Variants in DGKK observed in about 807,000 individuals in gnomAD.
DGKK encodes the protein diacylglycerol kinase kappa.
DGKK carries 35 observed loss-of-function variants against 92.2 expected under a neutral mutation model. The ratio of observed to expected loss-of-function variants is 0.38; its 90% confidence interval spans 0.29 to 0.50. DGKK has a LOEUF of 0.50. Ranked by LOEUF, DGKK falls within the 20% of genes least tolerant of loss-of-function variation. DGKK has a pLI of 0.92. For synonymous variants in DGKK, 368 were observed against 360.6 expected, an observed-to-expected ratio of 1.02 and a Z score of -0.23; for missense variants, 910 against 992.2, an observed-to-expected ratio of 0.92 and a Z score of 1.11.
chrX:50,390,532 G>A, intron 11 of DGKK, 123 bp from the exon 12 acceptor site: 4 of 560,540 alleles, frequency 7.1e-6, no homozygotes, highest in Non-Finnish European at 5.9e-6. Flanking sequence ...GTTGTAGGGG[G>A]TGTCCAAGCA....
At chrX:50,389,939 G>C (rs1924642894) in intron 12 of DGKK, among the ~76,000 whole-genome samples, 1 of 111,417 alleles carries the variant, frequency 9.0e-6, no homozygotes, top group Non-Finnish European at 1.9e-5. Flanking sequence ...GACTGAGATA[G>C]ATCTTCCTGC....
At chrX:50,377,046 G>C in intron 22 of DGKK, 128 bp from the exon 23 acceptor site, 152 of 548,981 alleles carry the variant, frequency 2.8e-4, no homozygotes, top group Non-Finnish European at 4.0e-4. Context: ...GGGAAGGAGG[G>C]CCCCCTGTCC....
At position 50,456,269 on chromosome X, in the gene DGKK, G is replaced by A. The variant is rs536175459; in HGVS notation, c.645+13765C>T. ...AGGCTTTTCCTGTAATTAGTAGAAC[G>A]CTATTTTAGATAAAACTTGGACTGC... On this transcript the variant is annotated intron_variant, in intron 1 of 27. Coordinates refer to ENST00000611977, the MANE Select transcript of DGKK (RefSeq NM_001013742.4). 5.3e-4 allele frequency among the ~76,000 whole-genome samples: 59 copies of A among 111,498 alleles called. No homozygotes were observed. In the South Asian group the frequency reaches 0.021, roughly 39 times the overall value.
chrX:50,385,044 G>A (rs1924511902), intron 15 of DGKK, among the ~76,000 whole-genome samples: 1 of 112,000 alleles, frequency 8.9e-6, no homozygotes, highest in African/African-American at 3.2e-5. Flanking sequence ...TGCTTACAGT[G>A]TTGCTGTTTT....
rs1924042307 is a variant in DGKK, at chrX:50,368,975, C to T, written c.3781G>A (p.Asp1261Asn). The change falls in exon 28 of 28, where the codon GAT (aspartate) becomes AAT (asparagine). Residue 1261 changes from aspartate to asparagine, a missense_variant. Transcript: ENST00000611977. The part of the protein sequence containing the change: ...RRHREDEAEG[D>N]DPLTPSRSQL Reference sequence around the variant, plus strand: ...GATCTCGATGGTGTTAGAGGATCATCACCCTCTGCTTCATCTTCACGATGT... The same window carrying T: ...GATCTCGATGGTGTTAGAGGATCATTACCCTCTGCTTCATCTTCACGATGT... The T allele has an allele frequency of 1.7e-6, 2 of 1,208,867 alleles. No individual in the cohort carries two copies. The highest frequency in any genetic ancestry group is 5.9e-5 in the East Asian group (2 of 33,764).
chrX:50,448,241 A>G (rs1369507424), intron 1 of DGKK, among the ~76,000 whole-genome samples: 2 of 109,904 alleles, frequency 1.8e-5, no homozygotes, highest in Non-Finnish European at 3.8e-5. Context: ...CTCTGGCCCC[A>G]ATACCATTTC....
intron 1 of DGKK, among the ~76,000 whole-genome samples, chrX:50,431,043 T>C (rs1925871603): frequency 1.8e-5 from 2 of 110,453 alleles, no homozygotes; most frequent in Admixed American, 1.9e-4. Flanking sequence ...GGTGCATTTT[T>C]TTTTAAGAGA....
At chrX:50,445,078 C>T (rs1328066509) in intron 1 of DGKK, among the ~76,000 whole-genome samples, 1 of 104,213 alleles carries the variant, frequency 9.6e-6, no homozygotes, top group South Asian at 4.3e-4. Flanking sequence ...TTGTAGGTTG[C>T]GTGTATGTCT....
chrX:50,434,441 T>A (rs1925966162), intron 1 of DGKK, among the ~76,000 whole-genome samples: 1 of 111,516 alleles, frequency 9.0e-6, no homozygotes, highest in African/African-American at 3.3e-5. Flanking sequence ...TCTTTTTTAC[T>A]TTACTGTCTC....
intron 1 of DGKK, among the ~76,000 whole-genome samples, chrX:50,447,328 A>ATATATATATATATATAT (rs1926337920): frequency 8.8e-4 from 17 of 19,292 alleles, no homozygotes; most frequent in Non-Finnish European, 1.4e-3. Context: ...GTGTGTATGT[A>ATATATATATATATATAT]TATATATATA....
chrX:50,432,374 A>C (rs1469803306), intron 1 of DGKK, among the ~76,000 whole-genome samples: 1 of 112,665 alleles, frequency 8.9e-6, no homozygotes, highest in African/African-American at 3.2e-5. Context: ...GCATATCACT[A>C]AAAAGGTATT....
At position 50,370,484 on chromosome X, in the gene DGKK, C is replaced by T; in HGVS notation, c.3678G>A (p.Lys1226=). The change falls in exon 27 of 28, where the codon AAG becomes AAA. Residue 1226 remains lysine, a synonymous_variant. Coordinates refer to ENST00000611977, the MANE Select transcript of DGKK (RefSeq NM_001013742.4). ...GCTTGCGTTCCTCTTCTACCTTTTT[C>T]TTTCCCAATTTGGGGAACTTAATTT... ...RLKIKFPKLG[K]KKVEEERKPK... 1 of 1,193,978 alleles carries T rather than the reference C, an allele frequency of 8.4e-7. No homozygotes were observed. The highest frequency in any genetic ancestry group is 1.1e-6 in the Non-Finnish European group (1 of 885,972).
chrX:50,464,555 C>CT (rs1390462423), intron 1 of DGKK, among the ~76,000 whole-genome samples: 1 of 109,334 alleles, frequency 9.1e-6, no homozygotes, highest in Admixed American at 9.7e-5. Context: ...AAAAGATTTC[C>CT]TTTTTTTGTT....
intron 8 of DGKK, among the ~76,000 whole-genome samples, chrX:50,396,156 G>A (rs1924846203): frequency 8.9e-6 from 1 of 112,126 alleles, no homozygotes; most frequent in Admixed American, 9.5e-5. Context: ...GAAGCAATTT[G>A]TTGATAAGGA....
Position 50,470,794 on chromosome X carries a change from C to T in DGKK, c.-116G>A. The T allele has an allele frequency of 4.6e-6, 4 of 875,060 alleles. No individual in the cohort carries two copies. Among genetic ancestry groups the T allele is most frequent in the South Asian group, 5.5e-5 (2 of 36,345 alleles). The allele number at this position is 875,060 out of a possible 1,213,427, so 72.1% of individuals were successfully genotyped here. On this transcript the variant is annotated 5_prime_UTR_variant, in exon 1 of 28. Coordinates refer to ENST00000611977, the MANE Select transcript of DGKK (RefSeq NM_001013742.4). Reference sequence around the variant, plus strand: ...AGCCCCTCGCAGGGTGCCAAACTTTCCCCCATCCCACTCCATGGCTGGCTT... The same window carrying T: ...AGCCCCTCGCAGGGTGCCAAACTTTTCCCCATCCCACTCCATGGCTGGCTT...
At chrX:50,440,557 G>A (rs1926146819) in intron 1 of DGKK, among the ~76,000 whole-genome samples, 1 of 111,552 alleles carries the variant, frequency 9.0e-6, no homozygotes, top group African/African-American at 3.2e-5. Context: ...GGCTCTCAAG[G>A]AAAGTCTAGA....
rs1557222586 is a variant in DGKK at position 50,367,361 on chromosome X, G to A, written c.*1579C>T. On this transcript the variant is annotated 3_prime_UTR_variant, in exon 28 of 28. Coordinates refer to ENST00000611977, the MANE Select transcript of DGKK (RefSeq NM_001013742.4). ...ATTAGATTTGCCCTGACTGGGAGAA[G>A]GCATTTTTGAAAAATGTGAATTAGT... is the stretch of plus-strand genomic sequence containing the variant. The A allele has an allele frequency of 1.8e-5, 2 of 111,512 alleles. No homozygotes were observed. Among genetic ancestry groups the A allele is most frequent in the Non-Finnish European group, 3.8e-5 (2 of 53,104 alleles). The allele number at this position is 111,512 out of a possible 1,213,427, so 9.2% of individuals were successfully genotyped here. A position where few individuals can be genotyped will look rare whatever the true frequency, so the allele number is the denominator to read the frequency against.
At chrX:50,402,066 AC>A (rs1257971249) in intron 7 of DGKK, among the ~76,000 whole-genome samples, 7 of 111,098 alleles carry the variant, frequency 6.3e-5, no homozygotes, top group Non-Finnish European at 9.4e-5. Context: ...GGGCTAAATT[AC>A]CCCCAGTTGA....
intron 1 of DGKK, among the ~76,000 whole-genome samples, chrX:50,454,473 T>G (rs1926563546): frequency 9.0e-6 from 1 of 111,427 alleles, no homozygotes; most frequent in African/African-American, 3.3e-5. Flanking sequence ...ATCTATCCTT[T>G]ACACTGTCAC....
Sources: allele counts gnomAD v4.1 joint callset (sites outside exome capture counted in the v4.1 genomes callset), GRCh38; gene constraint gnomAD v4.1.1; transcripts MANE v1.5; gene names NCBI Gene and HGNC (gene_info 2026-07-23, HGNC 2026-07-21).